The following PHACTR3 variants were observed in gnomAD, a reference collection of about 807,000 sequenced individuals.
PHACTR3 encodes the protein phosphatase and actin regulator 3, also known as protein phosphatase 1, regulatory subunit 123.
In PHACTR3, 16 loss-of-function variants were observed where a neutral mutation model predicts 66.8. The observed-to-expected ratio is 0.24, with a 90% confidence interval of 0.16 to 0.36. The LOEUF (loss-of-function observed/expected upper bound fraction) is 0.36, where lower values mean the gene tolerates loss of function less well. PHACTR3 is among the 10% of genes least tolerant of loss of function. PHACTR3 has a pLI of 1.00. For synonymous variants in PHACTR3, 323 were observed against 292.1 expected, an observed-to-expected ratio of 1.11 and a Z score of -1.08; for missense variants, 647 against 719.9, an observed-to-expected ratio of 0.90 and a Z score of 1.16.
chr20:59,628,461 A>G (rs2034540215), intron 1 of PHACTR3: 1 of 189,774 alleles, frequency 5.3e-6, no homozygotes. Flanking sequence ...CAAGCACTGC[A>G]CTGTCCCCGC....
At chr20:59,760,800 T>G (rs1440237266) in intron 4 of PHACTR3, among the ~76,000 whole-genome samples, 1 of 152,102 alleles carries the variant, frequency 6.6e-6, no homozygotes, top group Non-Finnish European at 1.5e-5. Context: ...CTTCAGTGTT[T>G]CTACTATGGG....
chr20:59,735,756 C>T (rs2038923703), intron 1 of PHACTR3, among the ~76,000 whole-genome samples: 1 of 152,108 alleles, frequency 6.6e-6, no homozygotes, highest in Non-Finnish European at 1.5e-5. Flanking sequence ...TGACGGTTCT[C>T]ATTGTCATGG....
At chr20:59,785,736 C>T (rs1431530153) in intron 7 of PHACTR3, among the ~76,000 whole-genome samples, 3 of 152,216 alleles carry the variant, frequency 2.0e-5, no homozygotes, top group Non-Finnish European at 2.9e-5. Flanking sequence ...CAGAGGAAGG[C>T]CGTGGTCAGC....
At chr20:59,711,273 C>G (rs2037905706) in intron 1 of PHACTR3, among the ~76,000 whole-genome samples, 1 of 152,150 alleles carries the variant, frequency 6.6e-6, no homozygotes, top group African/African-American at 2.4e-5. Flanking sequence ...AAGGCTTTGT[C>G]TCTATCTCTG....
intron 1 of PHACTR3, among the ~76,000 whole-genome samples, chr20:59,672,748 C>T (rs568232496): frequency 1.6e-4 from 25 of 152,242 alleles, no homozygotes; most frequent in Non-Finnish European, 3.2e-4. Context: ...CTTCCCTCCA[C>T]CATCTCTCTC....
At position 59,642,393 on chromosome 20, in the gene PHACTR3, CA is replaced by C. The variant is rs370933438; in HGVS notation, c.118+37265del. On this transcript the variant is annotated intron_variant, in intron 1 of 12. Transcript: ENST00000371015. ...ATACATAGGAGATTATCAAGAACAT[CA>C]AAAGCATTCACAAATCCCCCCACCC... is the stretch of plus-strand genomic sequence containing the variant. 1.6e-4 allele frequency among the ~76,000 whole-genome samples: 24 copies of C among 151,896 alleles called. No individual in the cohort carries two copies. The East Asian group carries it at 4.1e-3, about 26-fold the overall frequency.
intron 7 of PHACTR3, among the ~76,000 whole-genome samples, chr20:59,788,840 A>T (rs1464006073): frequency 6.6e-6 from 1 of 152,178 alleles, no homozygotes; most frequent in East Asian, 1.9e-4. Context: ...AAGCCCAGGC[A>T]GTCCCCTCCT....
At chr20:59,733,471 C>T (rs1199420357) in intron 1 of PHACTR3, among the ~76,000 whole-genome samples, 3 of 152,128 alleles carry the variant, frequency 2.0e-5, no homozygotes, top group Non-Finnish European at 4.4e-5. Context: ...TCAGTGCTTC[C>T]GTGTGAGGTT....
chr20:59,838,325 C>A (rs1272597736), intron 9 of PHACTR3, among the ~76,000 whole-genome samples: 1 of 152,154 alleles, frequency 6.6e-6, no homozygotes, highest in African/African-American at 2.4e-5. Context: ...AGCACTCATA[C>A]TGTATTGTAT....
At chr20:59,781,390 A>C (rs1372729596) in intron 7 of PHACTR3, among the ~76,000 whole-genome samples, 1 of 152,224 alleles carries the variant, frequency 6.6e-6, no homozygotes, top group Non-Finnish European at 1.5e-5. Context: ...CACGGCGCCC[A>C]GCCTCAGATT....
chr20:59,738,881 G>C lies in PHACTR3; in HGVS notation c.119-4226G>C, dbSNP rs1393569799. On this transcript the variant is annotated intron_variant, in intron 1 of 12. Transcript: ENST00000371015. This position sits in a 1 kb window ranked among gnomAD's most constrained non-coding sequence, Gnocchi z 4.4. ...ATCTTCAGCTGAGCTTGGAGGCTTG[G>C]GGAGACCTAGCCCATCCTTCCCCTC... Among the ~76,000 whole-genome samples, 1 of 152,108 alleles carries C rather than the reference G, an allele frequency of 6.6e-6. No individual in the cohort carries two copies. Among genetic ancestry groups the C allele is most frequent in the Non-Finnish European group, 1.5e-5 (1 of 68,020 alleles).
At chr20:59,658,419 T>C (rs2035697052) in intron 1 of PHACTR3, among the ~76,000 whole-genome samples, 1 of 152,110 alleles carries the variant, frequency 6.6e-6, no homozygotes, top group Non-Finnish European at 1.5e-5. Flanking sequence ...TAATATATTT[T>C]AGCAACTCTG....
intron 1 of PHACTR3, among the ~76,000 whole-genome samples, chr20:59,578,271 C>A (rs116299162): frequency 0.017 from 2,542 of 152,340 alleles, 65 homozygotes; most frequent in African/African-American, 0.058. Context: ...CTCAGGCCTC[C>A]TGGTGACAAG....
chr20:59,622,146 ATT>A (rs113981336), intron 1 of PHACTR3, among the ~76,000 whole-genome samples: 14 of 144,632 alleles, frequency 9.7e-5, no homozygotes, highest in African/African-American at 3.3e-4. Flanking sequence ...ACTTCCCCTG[ATT>A]TTTTTTTTTT....
At position 59,709,031 on chromosome 20, in the gene PHACTR3, T is replaced by C. The variant is rs1269642865; in HGVS notation, c.119-34076T>C. On this transcript the variant is annotated intron_variant, in intron 1 of 12. Transcript: ENST00000371015. The stretch of plus-strand genomic sequence containing the variant: ...TTCTGAAGTCTTCCCTTTTTGGTTA[T>C]CCTTGCTGGCGGAATCAAAAGAAGA... 3.3e-5 allele frequency among the ~76,000 whole-genome samples: 5 copies of C among 152,316 alleles called. No individual in the cohort carries two copies. The East Asian group carries it at 9.6e-4, about 29-fold the overall frequency.
At chr20:59,773,801 G>A (rs946963833) in intron 6 of PHACTR3, among the ~76,000 whole-genome samples, 1 of 152,208 alleles carries the variant, frequency 6.6e-6, no homozygotes, top group African/African-American at 2.4e-5. Flanking sequence ...GACACTGAGG[G>A]CTTCATAGTT....
chr20:59,645,634 A>C (rs533524703), intron 1 of PHACTR3, among the ~76,000 whole-genome samples: 2 of 152,328 alleles, frequency 1.3e-5, no homozygotes, highest in East Asian at 3.9e-4. Flanking sequence ...CTTATATTGC[A>C]TATAAAACAT....
chr20:59,653,417 C>T (rs888838665), intron 1 of PHACTR3, among the ~76,000 whole-genome samples: 5 of 152,046 alleles, frequency 3.3e-5, no homozygotes, highest in African/African-American at 1.2e-4. Context: ...ACTCCTGATC[C>T]TGTGATCCAC....
At chr20:59,651,808 C>T (rs2035466894) in intron 1 of PHACTR3, among the ~76,000 whole-genome samples, 2 of 151,322 alleles carry the variant, frequency 1.3e-5, no homozygotes, top group African/African-American at 4.9e-5. Context: ...CCAGAGAAAC[C>T]CAACCAACAG....
Sources: allele counts gnomAD v4.1 joint callset (sites outside exome capture counted in the v4.1 genomes callset), GRCh38; gene constraint gnomAD v4.1.1; non-coding constraint Gnocchi (gnomAD v3.1); transcripts MANE v1.5; gene names NCBI Gene and HGNC (gene_info 2026-07-23, HGNC 2026-07-21).